Variants in EFR3A observed in about 807,000 individuals in gnomAD.
EFR3A encodes the protein EFR3 homolog A.
In EFR3A, 76 loss-of-function variants were observed where a neutral mutation model predicts 104.4. That is an observed-to-expected ratio of 0.73 (90% CI 0.60 to 0.88). EFR3A has a LOEUF of 0.88. EFR3A is among the 40% of genes least tolerant of loss of function. The pLI is 0.00. For synonymous variants in EFR3A, 330 were observed against 330.0 expected (o/e 1.00, Z 0.00); for missense variants, 985 against 1,012.5 (o/e 0.97, Z 0.37).
chr8:131,959,330 A>G (rs1819186311), intron 7 of EFR3A, among the ~76,000 whole-genome samples: 1 of 152,128 alleles, frequency 6.6e-6, no homozygotes, highest in South Asian at 2.1e-4. Context: ...ATAAATCACA[A>G]CATTAAAAAA....
intron 1 of EFR3A, among the ~76,000 whole-genome samples, chr8:131,938,619 C>T (rs1033629940): frequency 2.6e-5 from 4 of 152,034 alleles, no homozygotes; most frequent in African/African-American, 9.7e-5. Context: ...GCAATGCATC[C>T]CTCATCTGTT....
intron 4 of EFR3A, among the ~76,000 whole-genome samples, chr8:131,948,054 A>G (rs951055684): frequency 2.0e-5 from 3 of 151,954 alleles, no homozygotes; most frequent in African/African-American, 7.2e-5. Context: ...TTCAGTTCCA[A>G]CTTCTTCTCT....
chr8:131,962,042 A>T (rs1475657724), intron 8 of EFR3A, among the ~76,000 whole-genome samples: 1 of 152,224 alleles, frequency 6.6e-6, no homozygotes, highest in Non-Finnish European at 1.5e-5. Context: ...CCTGCCTTAC[A>T]AGAGCTCCTG....
chr8:131,940,727 C>T, intron 2 of EFR3A, 152 bp downstream of exon 2: 1 of 1,254,222 alleles, frequency 8.0e-7, no homozygotes, highest in Non-Finnish European at 1.0e-6. Context: ...TTTTTTTACT[C>T]TTAAATGACC....
At chr8:131,932,585 T>TATAC (rs1683349822) in intron 1 of EFR3A, among the ~76,000 whole-genome samples, 1 of 152,142 alleles carries the variant, frequency 6.6e-6, no homozygotes, top group African/African-American at 2.4e-5. Flanking sequence ...AAAATACTCC[T>TATAC]ATACATGTTA....
rs545712080 is a variant in EFR3A at position 131,961,088 on chromosome 8, T to C, written c.855+1425T>C. On this transcript the variant is annotated intron_variant, in intron 8 of 22. Coordinates refer to ENST00000254624, the MANE Select transcript of EFR3A (RefSeq NM_015137.6). ...CGTCACCATCATAAAAGACCAAAGG[T>C]AGATAAAACCACAAAGATGGGGAAA... 5.7e-4 allele frequency among the ~76,000 whole-genome samples: 87 copies of C among 152,066 alleles called. 1 individual carries two copies. Among genetic ancestry groups the C allele is most frequent in the African/African-American group, 2.1e-3 (86 of 41,478 alleles).
At chr8:131,939,057 C>G (rs1818040931) in intron 1 of EFR3A, among the ~76,000 whole-genome samples, 1 of 152,022 alleles carries the variant, frequency 6.6e-6, no homozygotes. Context: ...ATTGGGAATC[C>G]TATCTTAAGG....
intron 7 of EFR3A, among the ~76,000 whole-genome samples, chr8:131,958,606 A>G (rs1819147416): frequency 6.7e-6 from 1 of 149,436 alleles, no homozygotes; most frequent in African/African-American, 2.5e-5. Flanking sequence ...TTTTTGTACC[A>G]TTTCCATTTT....
Position 132,011,473 on chromosome 8 carries a change from T to C in EFR3A, c.*578T>C. On this transcript the variant is annotated 3_prime_UTR_variant, in exon 23 of 23. Coordinates refer to ENST00000254624, the MANE Select transcript of EFR3A (RefSeq NM_015137.6). ...TCATCTTCTTCACAATAATAGGACA[T>C]CTGTTGAATAGCATTCCTCGAATAT... 1.1e-6 allele frequency: 1 copy of C among 943,362 alleles called. No homozygotes were observed. Among genetic ancestry groups the C allele is most frequent in the Non-Finnish European group, 1.3e-6 (1 of 791,696 alleles). 58.4% of individuals were successfully genotyped at this position (943,362 alleles called of 1,614,324 possible). A position where few individuals can be genotyped will look rare whatever the true frequency, so the allele number is the denominator to read the frequency against.
At chr8:131,978,626 A>G (rs1346026074) in intron 12 of EFR3A, among the ~76,000 whole-genome samples, 1 of 152,152 alleles carries the variant, frequency 6.6e-6, no homozygotes, top group Non-Finnish European at 1.5e-5. Flanking sequence ...TGCCTAACAC[A>G]TGGTAAATGT....
Position 131,985,075 on chromosome 8 carries a change from A to G in EFR3A, c.1869+15A>G. Reference sequence around the variant, plus strand: ...ATGTTAGCAAGGTAATGTATTTAGAAAAGTCCTTAAACTTGAATTTTGTAC... The same window carrying G: ...ATGTTAGCAAGGTAATGTATTTAGAGAAGTCCTTAAACTTGAATTTTGTAC... On this transcript the variant is annotated intron_variant, in intron 16 of 22. Transcript: ENST00000254624. The G allele has an allele frequency of 6.3e-7, 1 of 1,599,124 alleles. No homozygotes were observed. Among genetic ancestry groups the G allele is most frequent in the Non-Finnish European group, 8.5e-7 (1 of 1,171,254 alleles).
At chr8:131,991,264 C>T (rs921418624) in intron 18 of EFR3A, among the ~76,000 whole-genome samples, 3 of 152,116 alleles carry the variant, frequency 2.0e-5, no homozygotes, top group Admixed American at 1.3e-4. Flanking sequence ...GATTCAGTTA[C>T]CTACCACTGT....
intron 1 of EFR3A, among the ~76,000 whole-genome samples, chr8:131,921,024 C>T (rs1473234813): frequency 6.6e-6 from 1 of 152,070 alleles, no homozygotes; most frequent in Non-Finnish European, 1.5e-5. Flanking sequence ...TTGGTTAAGT[C>T]TTCTGATTTT....
intron 18 of EFR3A, among the ~76,000 whole-genome samples, chr8:131,993,070 A>G (rs756362221): frequency 2.6e-5 from 4 of 152,160 alleles, no homozygotes; most frequent in East Asian, 1.9e-4. Flanking sequence ...AGATAGGCCT[A>G]TTGGCATCTA....
At chr8:131,908,653 G>C (rs1443169966) in intron 1 of EFR3A, among the ~76,000 whole-genome samples, 1 of 152,064 alleles carries the variant, frequency 6.6e-6, no homozygotes, top group South Asian at 2.1e-4. Context: ...AAGTAATAGA[G>C]CTGTTATTGC....
chr8:131,911,597 G>C (rs1816512374), intron 1 of EFR3A, among the ~76,000 whole-genome samples: 1 of 152,144 alleles, frequency 6.6e-6, no homozygotes, highest in South Asian at 2.1e-4. Context: ...ACTGACAAAA[G>C]GCAGATTAAT....
At chr8:131,965,032 G>T (rs1315261341) in intron 8 of EFR3A, among the ~76,000 whole-genome samples, 1 of 152,072 alleles carries the variant, frequency 6.6e-6, no homozygotes, top group Non-Finnish European at 1.5e-5. Context: ...GCTGAAACTG[G>T]ATCCCTTCCT....
At chr8:131,995,276 T>C (rs1220319762) in intron 18 of EFR3A, among the ~76,000 whole-genome samples, 1 of 152,182 alleles carries the variant, frequency 6.6e-6, no homozygotes, top group Non-Finnish European at 1.5e-5. Context: ...TAATTCTATA[T>C]GTTAGAATAC....
chr8:131,911,187 C>A (rs1816494971), intron 1 of EFR3A, among the ~76,000 whole-genome samples: 1 of 152,112 alleles, frequency 6.6e-6, no homozygotes, highest in Non-Finnish European at 1.5e-5. Flanking sequence ...GAGAAAAGCA[C>A]CCTAACTGAG....
Sources: gnomAD v4.1 joint callset for allele counts (sites outside exome capture counted in the v4.1 genomes callset) on GRCh38, gnomAD v4.1.1 for gene constraint, MANE v1.5 for transcripts, NCBI Gene and HGNC (gene_info 2026-07-23, HGNC 2026-07-21) for gene names.